Variants in STK4 observed in about 807,000 individuals in gnomAD.
The protein encoded by STK4 is serine/threonine kinase 4.
A neutral mutation model predicts 64.9 loss-of-function variants in STK4; 30 were observed. That is an observed-to-expected ratio of 0.46 (90% CI 0.35 to 0.63). STK4 has a LOEUF of 0.63. Ranked by LOEUF, STK4 falls within the 20% of genes least tolerant of loss-of-function variation. The probability of loss-of-function intolerance (pLI) is 0.01; values close to 1 mark genes in which losing one functional copy is unlikely to be tolerated. For synonymous variants in STK4, 177 were observed against 199.0 expected, an observed-to-expected ratio of 0.89 and a Z score of 0.93; for missense variants, 466 against 598.5, an observed-to-expected ratio of 0.78 and a Z score of 2.31.
At chr20:45,043,888 T>G (rs1306529310) in intron 10 of STK4, among the ~76,000 whole-genome samples, 1 of 152,206 alleles carries the variant, frequency 6.6e-6, no homozygotes, top group African/African-American at 2.4e-5. Context: ...ACATTGTCCA[T>G]GGAGTAAATT....
At chr20:44,994,461 T>C (rs1222922351) in intron 5 of STK4, among the ~76,000 whole-genome samples, 1 of 151,952 alleles carries the variant, frequency 6.6e-6, no homozygotes, top group East Asian at 1.9e-4. Flanking sequence ...TGTGCATTTT[T>C]TTCATGCTAG....
chr20:45,075,265 G>T lies in STK4; in HGVS notation c.*89G>T. 2.7e-6 allele frequency: 4 copies of T among 1,509,300 alleles called. No individual in the cohort carries two copies. Among genetic ancestry groups the T allele is most frequent in the Middle Eastern group, 3.7e-4 (2 of 5,396 alleles). The allele number at this position is 1,509,300 out of a possible 1,614,324, so 93.5% of individuals were successfully genotyped here. A position where few individuals can be genotyped will look rare whatever the true frequency, so the allele number is the denominator to read the frequency against. On this transcript the variant is annotated 3_prime_UTR_variant, in exon 11 of 11. Transcript: ENST00000372806. ...CTCATGTTTGTTAGCCAGCACTTCT[G>T]CTCTGTCGTCTCTCCACAGCACCTT... is the stretch of plus-strand genomic sequence containing the variant.
chr20:45,045,875 C>T (rs559731161), intron 10 of STK4, among the ~76,000 whole-genome samples: 4 of 152,006 alleles, frequency 2.6e-5, no homozygotes, highest in South Asian at 4.2e-4. Flanking sequence ...GGCCCAATCT[C>T]GGCTCACTGC....
At chr20:45,048,994 G>T (rs1163274337) in intron 10 of STK4, among the ~76,000 whole-genome samples, 1 of 147,628 alleles carries the variant, frequency 6.8e-6, no homozygotes, top group Non-Finnish European at 1.5e-5. Context: ...CCACATTGAT[G>T]TTTTTTTTTT....
At chr20:45,007,043 TTTTGTTTG>T (rs145577732) in intron 9 of STK4, among the ~76,000 whole-genome samples, 5 of 152,064 alleles carry the variant, frequency 3.3e-5, no homozygotes, top group South Asian at 4.1e-4. Context: ...ATGGGTTGTT[TTTTGTTTG>T]TTTGTTTGTT....
intron 10 of STK4, among the ~76,000 whole-genome samples, chr20:45,062,840 G>A (rs1979170753): frequency 7.1e-6 from 1 of 141,330 alleles, no homozygotes; most frequent in South Asian, 2.2e-4. Context: ...ACCACGCCCG[G>A]CTATTTTTTT....
At chr20:45,059,815 G>C (rs1157417846) in intron 10 of STK4, among the ~76,000 whole-genome samples, 1 of 151,954 alleles carries the variant, frequency 6.6e-6, no homozygotes, top group Non-Finnish European at 1.5e-5. Context: ...ATTGCAAGTA[G>C]GATACTGAAT....
intron 9 of STK4, among the ~76,000 whole-genome samples, chr20:45,016,044 T>G (rs1211176094): frequency 6.6e-6 from 1 of 152,248 alleles, no homozygotes; most frequent in Non-Finnish European, 1.5e-5. Context: ...CAGGAATGCC[T>G]GAGTGCTGGC....
intron 9 of STK4, among the ~76,000 whole-genome samples, chr20:45,014,296 C>T (rs570578335): frequency 6.7e-4 from 99 of 148,204 alleles, no homozygotes; most frequent in African/African-American, 2.1e-3. Context: ...TGTAGTGGGG[C>T]GTGCCTGTAA....
intron 3 of STK4, among the ~76,000 whole-genome samples, chr20:44,978,814 T>C (rs1004502735): frequency 4.0e-5 from 6 of 151,222 alleles, no homozygotes; most frequent in Non-Finnish European, 8.8e-5. Flanking sequence ...TTTTTTTTTT[T>C]CTGAGACAAA....
intron 9 of STK4, among the ~76,000 whole-genome samples, chr20:45,020,464 GTGTATGTTTATGTTTATGTT>G (rs2068226458): frequency 2.1e-5 from 2 of 94,484 alleles, no homozygotes; most frequent in Admixed American, 1.8e-4. Flanking sequence ...GTGTGTGTGT[GTGTATGTTTATGTTTATGTT>G]TATGTTTATG....
At chr20:45,065,063 G>A (rs933722874) in intron 10 of STK4, among the ~76,000 whole-genome samples, 17 of 151,938 alleles carry the variant, frequency 1.1e-4, no homozygotes, top group African/African-American at 4.1e-4. Context: ...TGCCCATTTA[G>A]TATGATGTTT....
intron 10 of STK4, among the ~76,000 whole-genome samples, chr20:45,063,732 C>G (rs1979303293): frequency 6.6e-6 from 1 of 151,946 alleles, no homozygotes; most frequent in African/African-American, 2.4e-5. Flanking sequence ...TTAGATTTTA[C>G]TTTTAAGTCT....
intron 9 of STK4, among the ~76,000 whole-genome samples, chr20:45,022,376 A>G (rs2068263760): frequency 6.6e-6 from 1 of 152,196 alleles, no homozygotes; most frequent in Admixed American, 6.5e-5. Flanking sequence ...TTTTAGATAG[A>G]CTTTCTTATT....
intron 1 of STK4, among the ~76,000 whole-genome samples, chr20:44,969,200 T>C (rs894896380): frequency 6.6e-6 from 1 of 152,212 alleles, no homozygotes; most frequent in African/African-American, 2.4e-5. Flanking sequence ...GACTTCAGCA[T>C]ATGAATTGGG....
intron 1 of STK4, among the ~76,000 whole-genome samples, chr20:44,966,844 G>A (rs2067159137): frequency 6.6e-6 from 1 of 152,150 alleles, no homozygotes; most frequent in Non-Finnish European, 1.5e-5. Context: ...CTGTGCTGAG[G>A]AACGTGGGGA....
intron 10 of STK4, among the ~76,000 whole-genome samples, chr20:45,070,050 C>T (rs1979918608): frequency 6.6e-6 from 1 of 152,116 alleles, no homozygotes. Flanking sequence ...GGGCATGAAC[C>T]ATGCAGGCAG....
chr20:45,052,951 T>A (rs1205761216), intron 10 of STK4: 1 of 654,250 alleles, frequency 1.5e-6, no homozygotes, highest in East Asian at 2.7e-5. Flanking sequence ...AAGACTATCC[T>A]AAATTGTTCT....
At chr20:45,025,476 T>C (rs1194144810) in intron 10 of STK4, among the ~76,000 whole-genome samples, 2 of 152,252 alleles carry the variant, frequency 1.3e-5, no homozygotes, top group African/African-American at 4.8e-5. Context: ...GGAGGGCAAT[T>C]GACACTGTTT....
Sources: allele counts gnomAD v4.1 joint callset (sites outside exome capture counted in the v4.1 genomes callset), GRCh38; gene constraint gnomAD v4.1.1; transcripts MANE v1.5; gene names NCBI Gene and HGNC (gene_info 2026-07-23, HGNC 2026-07-21).